The following DSE variants were observed in gnomAD, a reference collection of about 807,000 sequenced individuals.
DSE encodes the protein dermatan-sulfate epimerase.
In DSE, 36 loss-of-function variants were observed where a neutral mutation model predicts 84.4. The ratio of observed to expected loss-of-function variants is 0.43; its 90% CI spans 0.33 to 0.56. DSE has a LOEUF of 0.56. DSE is among the 20% of genes least tolerant of loss of function. The pLI, the probability that DSE is intolerant of heterozygous loss-of-function variation, is 0.06. For synonymous variants in DSE, 410 were observed against 430.1 expected (o/e 0.95, Z 0.58); for missense variants, 862 against 1,169.6 (o/e 0.74, Z 3.84).
At chr6:116,421,463 A>ATATATATATATAT (rs1357496121) in intron 2 of DSE, among the ~76,000 whole-genome samples, 2 of 61,344 alleles carry the variant, frequency 3.3e-5, no homozygotes, top group African/African-American at 1.9e-4. Flanking sequence ...ATATATATAT[A>ATATATATATATAT]TTTTTTTTTT....
rs531066740 is a variant in DSE at position 116,324,503 on chromosome 6, TTCA to T, written c.-54+65540_-54+65542del. Among the ~76,000 whole-genome samples the T allele has an allele frequency of 1.3e-3, 204 of 152,338 alleles. 1 individual carries two copies. The highest frequency in any genetic ancestry group is 4.6e-3 in the African/African-American group (191 of 41,564). On this transcript the variant is annotated intron_variant, in intron 2 of 3. Coordinates refer to the DSE transcript ENST00000430252. Reference sequence around the variant, plus strand: ...GAATTGACTCCATGAGTTTTAGATCTTCATCAACACAAAGGACAGGGAAAGCAC... The same window carrying T: ...GAATTGACTCCATGAGTTTTAGATCTTCAACACAAAGGACAGGGAAAGCAC...
chr6:116,379,218 A>G (rs753812673), intron 1 of DSE, among the ~76,000 whole-genome samples: 2 of 152,168 alleles, frequency 1.3e-5, no homozygotes, highest in Admixed American at 6.5e-5. Context: ...CTCTGAGCTG[A>G]TAATGGGTCA....
At chr6:116,286,787 C>G (rs1773935983) in intron 2 of DSE, among the ~76,000 whole-genome samples, 1 of 152,044 alleles carries the variant, frequency 6.6e-6, no homozygotes. Flanking sequence ...ATTCAAATAC[C>G]ATGGTGATGA....
intron 2 of DSE, among the ~76,000 whole-genome samples, chr6:116,358,380 T>A (rs981745766): frequency 3.3e-5 from 5 of 152,204 alleles, no homozygotes; most frequent in African/African-American, 1.2e-4. Flanking sequence ...GCCATACAAT[T>A]ATTTATAAAT....
chr6:116,355,389 A>G (rs959566748), intron 2 of DSE, among the ~76,000 whole-genome samples: 1 of 152,088 alleles, frequency 6.6e-6, no homozygotes, highest in African/African-American at 2.4e-5. Flanking sequence ...GTTACTGCTT[A>G]TTTACCAATT....
chr6:116,259,305 G>GT (rs2114592560), intron 2 of DSE: 1 of 516,322 alleles, frequency 1.9e-6, no homozygotes, highest in African/African-American at 1.9e-5. Flanking sequence ...TAGTTAAATG[G>GT]TTATACCTGT....
chr6:116,282,999 G>T (rs1773639488), intron 2 of DSE, among the ~76,000 whole-genome samples: 1 of 152,052 alleles, frequency 6.6e-6, no homozygotes, highest in Admixed American at 6.6e-5. Context: ...TATTACTTGT[G>T]GATTTTTTGT....
At chr6:116,334,402 C>T (rs554704982) in intron 2 of DSE, among the ~76,000 whole-genome samples, 59 of 152,276 alleles carry the variant, frequency 3.9e-4, no homozygotes, top group African/African-American at 1.2e-3. Context: ...TCTTAATTCA[C>T]GCAAAGCCCA....
chr6:116,408,561 G>A (rs971592854), intron 2 of DSE, among the ~76,000 whole-genome samples: 5 of 152,182 alleles, frequency 3.3e-5, no homozygotes, highest in Non-Finnish European at 7.3e-5. Context: ...GGTGCCCTGC[G>A]TACTGTGGCT....
At chr6:116,391,479 G>A (rs138332276) in intron 1 of DSE, among the ~76,000 whole-genome samples, 8 of 152,080 alleles carry the variant, frequency 5.3e-5, no homozygotes, top group East Asian at 1.9e-4. Context: ...AAGAGCTCTC[G>A]GTTTTGGCCA....
intron 2 of DSE, among the ~76,000 whole-genome samples, chr6:116,272,665 A>G (rs769064742): frequency 3.9e-5 from 6 of 152,214 alleles, no homozygotes; most frequent in Admixed American, 6.5e-5. Flanking sequence ...GTAAGCCATG[A>G]TTCTCAAACT....
chr6:116,372,243 C>T (rs889477616), intron 1 of DSE, among the ~76,000 whole-genome samples: 3 of 152,046 alleles, frequency 2.0e-5, no homozygotes, highest in African/African-American at 7.3e-5. Context: ...CCGAGGCAGG[C>T]GGATCACGAG....
chr6:116,319,385 T>G (rs1053430491), intron 2 of DSE, among the ~76,000 whole-genome samples: 8 of 152,196 alleles, frequency 5.3e-5, no homozygotes, highest in African/African-American at 1.9e-4. Flanking sequence ...TGCTAACAAG[T>G]GTATATAGCC....
chr6:116,388,445 A>C (rs975206523), intron 1 of DSE, among the ~76,000 whole-genome samples: 1 of 152,224 alleles, frequency 6.6e-6, no homozygotes, highest in Non-Finnish European at 1.5e-5. Context: ...TTGACCAAAT[A>C]CTTGTGTACC....
At chr6:116,335,419 A>G (rs576496909) in intron 2 of DSE, among the ~76,000 whole-genome samples, 46 of 152,300 alleles carry the variant, frequency 3.0e-4, no homozygotes. Context: ...AAAATAACTC[A>G]TGAGTACTAG....
At chr6:116,391,453 A>T (rs1207982703) in intron 1 of DSE, among the ~76,000 whole-genome samples, 1 of 152,096 alleles carries the variant, frequency 6.6e-6, no homozygotes, top group African/African-American at 2.4e-5. Flanking sequence ...GAGCAAAAGT[A>T]TTCTTGATTT....
At chr6:116,365,782 G>C (rs1779134606), upstream of DSE, among the ~76,000 whole-genome samples, 1 of 152,196 alleles carries the variant, frequency 6.6e-6, no homozygotes, top group Non-Finnish European at 1.5e-5. Context: ...ATGCACCCAG[G>C]GGTTAGAATT....
intron 3 of DSE, among the ~76,000 whole-genome samples, chr6:116,430,596 C>T (rs1389650145): frequency 6.6e-6 from 1 of 151,822 alleles, no homozygotes; most frequent in Non-Finnish European, 1.5e-5. Context: ...GGCTGGAGTG[C>T]AGTGGCGCGA....
chr6:116,259,085 C>T, intron 2 of DSE: 2 of 1,540,872 alleles, frequency 1.3e-6, no homozygotes, highest in Non-Finnish European at 8.9e-7. Flanking sequence ...GTCTCTGCCA[C>T]TGCTGGTGCT....
Sources: gnomAD v4.1 joint callset for allele counts (sites outside exome capture counted in the v4.1 genomes callset) on GRCh38, gnomAD v4.1.1 for gene constraint, MANE v1.5 for transcripts, NCBI Gene and HGNC (gene_info 2026-07-23, HGNC 2026-07-21) for gene names.